The following ALDH3A2 variants were observed in gnomAD, a reference collection of about 807,000 sequenced individuals.
The protein encoded by ALDH3A2 is aldehyde dehydrogenase family 3 member A2.
A neutral mutation model predicts 51.3 loss-of-function variants in ALDH3A2; 36 were observed. The ratio of observed to expected loss-of-function variants is 0.70; its 90% CI spans 0.54 to 0.93. The LOEUF (loss-of-function observed/expected upper bound fraction) is 0.93, where lower values mean the gene tolerates loss of function less well. Among genes scored for constraint, ALDH3A2 ranks in the 40% least tolerant of loss-of-function variants. The pLI, the probability that ALDH3A2 is intolerant of heterozygous loss-of-function variation, is 0.00. For synonymous variants in ALDH3A2, 199 were observed against 219.8 expected, an observed-to-expected ratio of 0.91 and a Z score of 0.84; for missense variants, 552 against 603.1, an observed-to-expected ratio of 0.92 and a Z score of 0.89.
rs1302183738 is a variant in ALDH3A2, at chr17:19,656,544, A to G, written c.650A>G (p.Asp217Gly). 1.2e-6 allele frequency: 2 copies of G among 1,613,816 alleles called. No individual in the cohort carries two copies. Among genetic ancestry groups the G allele is most frequent in the Non-Finnish European group, 1.7e-6 (2 of 1,179,858 alleles). Residue 217 changes from aspartate to glycine, a missense_variant, in exon 4 of 10, where the codon GAT becomes GGT. Transcript: ENST00000176643. ...ELGGKSPCYIDKDCDLDIVCR... is the reference protein window; with the variant it reads ...ELGGKSPCYIGKDCDLDIVCR... Reference sequence around the variant, plus strand: ...GGAGGGAAAAGTCCATGTTATATTGATAAAGATTGTGACCTGGACATTGTT... The same window carrying G: ...GGAGGGAAAAGTCCATGTTATATTGGTAAAGATTGTGACCTGGACATTGTT...
At chr17:19,660,039 T>C (rs2084947429) in intron 5 of ALDH3A2, among the ~76,000 whole-genome samples, 1 of 151,824 alleles carries the variant, frequency 6.6e-6, no homozygotes, top group African/African-American at 2.4e-5. Flanking sequence ...TCAGGGTATG[T>C]GGGAAGAGAG....
intron 8 of ALDH3A2, among the ~76,000 whole-genome samples, chr17:19,666,804 A>AATAC (rs1403526828): frequency 6.7e-6 from 1 of 150,214 alleles, no homozygotes; most frequent in African/African-American, 2.4e-5. Flanking sequence ...TAAATAAATA[A>AATAC]ATAAATAAAT....
intron 6 of ALDH3A2, 104 bp downstream of exon 6, chr17:19,661,372 T>C (rs1196061577): frequency 3.0e-6 from 4 of 1,329,160 alleles, no homozygotes; most frequent in Non-Finnish European, 4.3e-6. Context: ...AGCATTTAAT[T>C]GTTAAAGTAC....
At chr17:19,672,326 C>CAGACAGCT in intron 9 of ALDH3A2, 1 of 279,520 alleles carries the variant, frequency 3.6e-6, no homozygotes, top group Non-Finnish European at 6.9e-6. Flanking sequence ...GCCCTTTGAT[C>CAGACAGCT]CTTTTGGTAT....
rs756692631 is a variant in ALDH3A2, at chr17:19,651,532, A to C, written c.154-15A>C. ...TACTTACTCTGCAAGATTAACTGTG[A>C]TTCTCTTATAACAGAGTGAATTCAA... On this transcript the variant is annotated splice_polypyrimidine_tract_variant and intron_variant, in intron 1 of 9. Transcript: ENST00000176643. 1 of 1,595,310 alleles carries C rather than the reference A, an allele frequency of 6.3e-7. No homozygotes were observed. The highest frequency in any genetic ancestry group is 8.6e-7 in the Non-Finnish European group (1 of 1,163,108).
In ALDH3A2 at chr17:19,668,707, A is replaced by G. The variant is rs1277304666; in HGVS notation, c.1208-3014A>G. ...GGGGAGGCCAAGGCACCTGGCTAACATGGTGAAACCCCGTCTCTACTAAAA... is the reference window on the plus strand; with the variant it reads ...GGGGAGGCCAAGGCACCTGGCTAACGTGGTGAAACCCCGTCTCTACTAAAA... On this transcript the variant is annotated intron_variant, in intron 8 of 9. Transcript: ENST00000176643. Among the ~76,000 whole-genome samples, 3 of 102,158 alleles carry G rather than the reference A, an allele frequency of 2.9e-5. 1 individual carries two copies. The highest frequency in any genetic ancestry group is 6.4e-5 in the Non-Finnish European group (3 of 46,724). The allele number at this position is 102,158 out of a possible 152,430, so 67.0% of individuals were successfully genotyped here.
chr17:19,650,346 A>G (rs4925036), intron 1 of ALDH3A2, among the ~76,000 whole-genome samples: 64,212 of 151,656 alleles, frequency 0.42, 14,249 homozygotes, highest in African/African-American at 0.46. Flanking sequence ...CAGTGACTCA[A>G]TCATAACTCA....
chr17:19,648,471 CG>C (rs977196293), upstream of ALDH3A2: 3 of 154,284 alleles, frequency 1.9e-5, no homozygotes, highest in African/African-American at 4.8e-5. Context: ...CACTCCCAGC[CG>C]AGCGCCCTCC....
upstream of ALDH3A2, chr17:19,648,700 C>A: frequency 1.9e-6 from 1 of 526,554 alleles, no homozygotes; most frequent in Non-Finnish European, 3.4e-6. Flanking sequence ...TGAACAGCGG[C>A]TGTCACGTGG....
intron 6 of ALDH3A2, 69 bp from the exon 7 acceptor site, chr17:19,663,264 A>C: frequency 2.1e-5 from 33 of 1,548,154 alleles, no homozygotes; most frequent in Non-Finnish European, 2.8e-5. Flanking sequence ...ACCCAATGAA[A>C]GAGATGTAAT....
intron 7 of ALDH3A2, among the ~76,000 whole-genome samples, chr17:19,664,233 A>G (rs560052548): frequency 6.6e-6 from 1 of 152,242 alleles, no homozygotes; most frequent in Non-Finnish European, 1.5e-5. Context: ...ATGGTTTGAC[A>G]TTTAAAACCA....
chr17:19,664,905 A>G (rs1261392668), intron 7 of ALDH3A2, 43 bp from the exon 8 acceptor site: 7 of 1,447,832 alleles, frequency 4.8e-6, no homozygotes, highest in Non-Finnish European at 6.8e-6. Context: ...GTGTTCCCTA[A>G]GGGGCAACTT....
Position 19,648,770 on chromosome 17 carries a change from C to G in ALDH3A2, c.-202C>G, listed in dbSNP as rs941450848. 8.6e-6 allele frequency: 6 copies of G among 694,026 alleles called. No individual in the cohort carries two copies. The highest frequency in any genetic ancestry group is 5.4e-5 in the African/African-American group (3 of 55,950). 43.0% of individuals were successfully genotyped at this position (694,026 alleles called of 1,614,324 possible). ...GAGCTCAGTCCTCCCCCGGCGCCTC[C>G]GACTGGCAGTGGGACTCAGCGGGCG... is the stretch of plus-strand genomic sequence containing the variant. On this transcript the variant is annotated 5_prime_UTR_variant, in exon 1 of 10. Transcript: ENST00000176643.
intron 5 of ALDH3A2, among the ~76,000 whole-genome samples, chr17:19,658,598 A>G (rs1041777283): frequency 6.6e-6 from 1 of 151,926 alleles, no homozygotes; most frequent in Non-Finnish European, 1.5e-5. Flanking sequence ...ATGGTGGTGC[A>G]TGTCTGTAAT....
chr17:19,649,208 G>A lies in ALDH3A2; in HGVS notation c.153+84G>A, dbSNP rs963021470. On this transcript the variant is annotated intron_variant, in intron 1 of 9. Transcript: ENST00000176643. ...GGAGCTTCGGCTGGGTTTTGTTTTT[G>A]CTTTTACATTTCGGATTACTCCAGC... 3.3e-6 allele frequency: 5 copies of A among 1,503,186 alleles called. No homozygotes were observed. In the African/African-American group the frequency reaches 5.6e-5, roughly 17 times the overall value. 93.1% of individuals were successfully genotyped at this position (1,503,186 alleles called of 1,614,324 possible).
chr17:19,658,414 T>C lies in ALDH3A2; in HGVS notation c.798+552T>C, dbSNP rs540118050. Among the ~76,000 whole-genome samples, 63 of 151,952 alleles carry C rather than the reference T, an allele frequency of 4.1e-4. 1 individual carries two copies. The South Asian group carries it at 0.013, about 31-fold the overall frequency. On this transcript the variant is annotated intron_variant, in intron 5 of 9. Transcript: ENST00000176643. ...TCCTAAGCCAAGACTTGAAGAAATA[T>C]AGGATTTAAGTTGGTAGAAAGGAAT...
At position 19,661,135 on chromosome 17, in the gene ALDH3A2, T is replaced by C. The variant is rs2084960020; in HGVS notation, c.807T>C (p.Tyr269=). 3 of 1,610,456 alleles carry C rather than the reference T, an allele frequency of 1.9e-6. No individual in the cohort carries two copies. Among genetic ancestry groups the C allele is most frequent in the Non-Finnish European group, 2.5e-6 (3 of 1,176,712 alleles). ...WKIKETVKEF[Y]GENIKESPDY... ...CCTGTTGTTTTAAATAGGAATTTTA[T>C]GGAGAAAATATAAAAGAGTCTCCTG... Residue 269 remains tyrosine, a synonymous_variant, in exon 6 of 10, where the codon TAT becomes TAC. Coordinates refer to ENST00000176643, the MANE Select transcript of ALDH3A2 (RefSeq NM_000382.3).
chr17:19,652,837 A>G (rs2084835275), intron 3 of ALDH3A2: 2 of 590,262 alleles, frequency 3.4e-6, no homozygotes, highest in Non-Finnish European at 3.0e-6. Context: ...GGGGTTACAC[A>G]ATATATGTAG....
chr17:19,653,026 T>C (rs1167093626), intron 3 of ALDH3A2, among the ~76,000 whole-genome samples: 1 of 152,130 alleles, frequency 6.6e-6, no homozygotes, highest in East Asian at 1.9e-4. Flanking sequence ...AAATGTACTT[T>C]TCTGTGATTA....
Sources: gnomAD v4.1 joint callset for allele counts (sites outside exome capture counted in the v4.1 genomes callset) on GRCh38, gnomAD v4.1.1 for gene constraint, MANE v1.5 for transcripts, NCBI Gene and HGNC (gene_info 2026-07-23, HGNC 2026-07-21) for gene names.